Variants in ASPHD2 observed in about 807,000 individuals in gnomAD.
ASPHD2 encodes the protein aspartate beta-hydroxylase domain containing 2, also known as aspartate beta-hydroxylase domain-containing protein 2.
A neutral mutation model predicts 34.6 loss-of-function variants in ASPHD2; 12 were observed. The ratio of observed to expected loss-of-function variants is 0.35; its 90% confidence interval spans 0.22 to 0.56. ASPHD2 has a LOEUF of 0.56. ASPHD2 is among the 20% of genes least tolerant of loss of function. The probability of loss-of-function intolerance (pLI) is 0.87; values close to 1 mark genes in which losing one functional copy is unlikely to be tolerated. For missense variants in ASPHD2, 375 were observed against 505.0 expected (o/e 0.74, Z 2.47); for synonymous variants, 224 against 212.2 (o/e 1.06, Z -0.48).
At chr22:26,441,067 G>A (rs541481081) in intron 2 of ASPHD2, among the ~76,000 whole-genome samples, 4 of 152,362 alleles carry the variant, frequency 2.6e-5, no homozygotes, top group Middle Eastern at 3.4e-3. Context: ...CAACAAAAAT[G>A]TAGAACTCAC....
intron 2 of ASPHD2, among the ~76,000 whole-genome samples, chr22:26,441,478 T>TTAAAAAAAA (rs1555883502): frequency 1.0e-5 from 1 of 95,620 alleles, no homozygotes; most frequent in Non-Finnish European, 1.9e-5. Flanking sequence ...ACCTTGTATC[T>TTAAAAAAAA]AAAAAAAAAA....
At position 26,439,167 on chromosome 22, in the gene ASPHD2, G is replaced by A. The variant is rs143583800; in HGVS notation, c.887-3292G>A. ...TAATCCCAGCACTTTGGGAGGCCGA[G>A]TCAGGTGGATCTCTTGAGGCTAGAA... On this transcript the variant is annotated intron_variant, in intron 2 of 3. Transcript: ENST00000215906. Among the ~76,000 whole-genome samples the A allele has an allele frequency of 5.6e-3, 849 of 152,306 alleles. 8 individuals are homozygous for A. The highest frequency in any genetic ancestry group is 6.8e-3 in the Middle Eastern group (2 of 294).
At position 26,433,651 on chromosome 22, in the gene ASPHD2, T is replaced by C. The variant is rs768668198; in HGVS notation, c.36T>C (p.Asp12=). 1.2e-6 allele frequency: 2 copies of C among 1,614,012 alleles called. No individual in the cohort carries two copies. Among genetic ancestry groups the C allele is most frequent in the Admixed American group, 1.7e-5 (1 of 60,014 alleles). The change falls in exon 2 of 4, where the codon GAT becomes GAC. Residue 12 remains aspartate, a synonymous_variant. Coordinates refer to ENST00000215906, the MANE Select transcript of ASPHD2 (RefSeq NM_020437.5). The surrounding 1 kb of genome is among the most constrained non-coding windows in gnomAD (Gnocchi z 5.1). ...VWAPLGPPRT[D]CLTLLHTPSK... is the part of the protein sequence containing the mutation. ...CGCCCTTGGGACCCCCGAGGACTGATTGTCTGACCTTGCTTCACACGCCCA... is the reference window on the plus strand; with the variant it reads ...CGCCCTTGGGACCCCCGAGGACTGACTGTCTGACCTTGCTTCACACGCCCA...
intron 2 of ASPHD2, among the ~76,000 whole-genome samples, chr22:26,438,596 C>T (rs199563616): frequency 3.8e-5 from 4 of 106,662 alleles, no homozygotes; most frequent in Admixed American, 9.6e-5. Context: ...CATATATATA[C>T]ACACATATAT....
chr22:26,437,248 C>T (rs1417012749), intron 2 of ASPHD2, among the ~76,000 whole-genome samples: 1 of 152,218 alleles, frequency 6.6e-6, no homozygotes, highest in African/African-American at 2.4e-5. Context: ...GGTAGAGGCA[C>T]CTGCAGTTCC....
In ASPHD2 at chr22:26,434,152, C is replaced by G; in HGVS notation, c.537C>G (p.Phe179Leu). 2 of 1,612,336 alleles carry G rather than the reference C, an allele frequency of 1.2e-6. No homozygotes were observed. The highest frequency in any genetic ancestry group is 1.7e-5 in the Admixed American group (1 of 59,476). Residue 179 changes from phenylalanine to leucine, a missense_variant, in exon 2 of 4, where the codon TTC (phenylalanine) becomes TTG (leucine). Transcript: ENST00000215906. ...FLPDLPTTPY[F>L]SRDAQKHDVE... is the part of the protein sequence containing the mutation. ...CCGACCTGCCCACCACGCCCTATTT[C>G]TCCCGGGACGCACAGAAACATGATG...
chr22:26,437,770 G>T (rs531777964), intron 2 of ASPHD2, among the ~76,000 whole-genome samples: 31 of 152,260 alleles, frequency 2.0e-4, no homozygotes, highest in African/African-American at 6.7e-4. Flanking sequence ...GCCGCCTGAA[G>T]TGGGGGCCAC....
intron 1 of ASPHD2, among the ~76,000 whole-genome samples, chr22:26,431,430 A>T (rs1601698972): frequency 6.6e-6 from 1 of 151,910 alleles, no homozygotes. Context: ...AAAAAAAAAA[A>T]AACAAAAGAA....
chr22:26,432,023 C>G (rs1023757004), intron 1 of ASPHD2, among the ~76,000 whole-genome samples: 1 of 152,162 alleles, frequency 6.6e-6, no homozygotes, highest in African/African-American at 2.4e-5. Context: ...TGGAAAAACC[C>G]CATCTCTACT....
Position 26,434,182 on chromosome 22 carries a change from A to C in ASPHD2, c.567A>C (p.Glu189Asp), listed in dbSNP as rs189698725. The C allele has an allele frequency of 6.2e-7, 1 of 1,613,408 alleles. No homozygotes were observed. The highest frequency in any genetic ancestry group is 2.2e-5 in the East Asian group (1 of 44,882). ...FSRDAQKHDV[E>D]VLERNFQTIL... ...GGGACGCACAGAAACATGATGTGGA[A>C]GTGCTGGAACGGAACTTCCAGACCA... Residue 189 changes from glutamate to aspartate, a missense_variant, in exon 2 of 4, where the codon GAA (glutamate) becomes GAC (aspartate). By Grantham distance (45) the Glu-to-Asp change is conservative (BLOSUM62 2). Transcript: ENST00000215906.
chr22:26,436,429 T>G (rs2084792705), intron 2 of ASPHD2, among the ~76,000 whole-genome samples: 1 of 152,054 alleles, frequency 6.6e-6, no homozygotes, highest in African/African-American at 2.4e-5. Context: ...CGGGGTGCCC[T>G]GGGGAGGTGG....
In ASPHD2 at chr22:26,442,592, A is replaced by G. The variant is rs1237852848; in HGVS notation, c.1000+20A>G. The G allele has an allele frequency of 5.2e-6, 8 of 1,527,374 alleles. No homozygotes were observed. The highest frequency in any genetic ancestry group is 2.1e-5 in the Admixed American group (1 of 48,056). 94.6% of individuals were successfully genotyped at this position (1,527,374 alleles called of 1,614,324 possible). A position where few individuals can be genotyped will look rare whatever the true frequency, so the allele number is the denominator to read the frequency against. ...ATGAAGGTGAGTGGCTGCCTTTCCCACTTCCTTTTTTTCAATGAATAGACT... is the reference window on the plus strand; with the variant it reads ...ATGAAGGTGAGTGGCTGCCTTTCCCGCTTCCTTTTTTTCAATGAATAGACT... On this transcript the variant is annotated intron_variant, in intron 3 of 3. Coordinates refer to ENST00000215906, the MANE Select transcript of ASPHD2 (RefSeq NM_020437.5).
chr22:26,440,732 C>T (rs929895371), intron 2 of ASPHD2, among the ~76,000 whole-genome samples: 3 of 152,150 alleles, frequency 2.0e-5, no homozygotes, highest in Non-Finnish European at 4.4e-5. Context: ...TGAGGGCAGA[C>T]GAAGAGCACG....
intron 2 of ASPHD2, among the ~76,000 whole-genome samples, chr22:26,438,678 TACAC>T (rs368493487): frequency 2.3e-5 from 3 of 129,604 alleles, no homozygotes; most frequent in Admixed American, 7.6e-5. Context: ...CATACATACA[TACAC>T]ACACACACAC....
At chr22:26,440,742 G>A (rs896312735) in intron 2 of ASPHD2, among the ~76,000 whole-genome samples, 3 of 152,178 alleles carry the variant, frequency 2.0e-5, no homozygotes, top group Admixed American at 1.3e-4. Flanking sequence ...CGAAGAGCAC[G>A]CCATTCTCCA....
intron 1 of ASPHD2, among the ~76,000 whole-genome samples, chr22:26,430,537 C>G (rs1389297331): frequency 3.3e-5 from 5 of 152,200 alleles, no homozygotes; most frequent in Non-Finnish European, 7.3e-5. Flanking sequence ...CTACTGTGGT[C>G]ACTGGGCAAG....
At position 26,444,241 on chromosome 22, in the gene ASPHD2, CATTT is replaced by C. The variant is rs1263340046; in HGVS notation, c.*1040_*1043del. 7.4e-6 allele frequency: 1 copy of C among 134,518 alleles called. No homozygotes were observed. The highest frequency in any genetic ancestry group is 1.6e-5 in the Non-Finnish European group (1 of 61,192). The allele number at this position is 134,518 out of a possible 1,614,324, so 8.3% of individuals were successfully genotyped here. On this transcript the variant is annotated 3_prime_UTR_variant, in exon 4 of 4. Transcript: ENST00000215906. The stretch of plus-strand genomic sequence containing the variant: ...CTGTTGCCTATGTTTTTTTTTTTTT[CATTT>C]ATTTGTCTGTACATAAATGTTCAAA...
chr22:26,438,550 TAC>T lies in ASPHD2; in HGVS notation c.887-3905_887-3904del, dbSNP rs554125567. Among the ~76,000 whole-genome samples the T allele has an allele frequency of 2.1e-3, 284 of 136,290 alleles. 6 individuals are homozygous for T. Among genetic ancestry groups the T allele is most frequent in the Middle Eastern group, 7.6e-3 (2 of 262 alleles). 89.4% of individuals were successfully genotyped at this position (136,290 alleles called of 152,430 possible). ...ACATACATATATACACATACATATA[TAC>T]ACATACATATATACACATACATATA... On this transcript the variant is annotated intron_variant, in intron 2 of 3. Coordinates refer to ENST00000215906, the MANE Select transcript of ASPHD2 (RefSeq NM_020437.5).
In ASPHD2 at chr22:26,433,611, T is replaced by C; in HGVS notation, c.-5T>C. On this transcript the variant is annotated 5_prime_UTR_variant, in exon 2 of 4. Transcript: ENST00000215906. This position sits in a 1 kb window ranked among gnomAD's most constrained non-coding sequence, Gnocchi z 5.1. ...AGCCGCTCCTTCCCCCCCACGCTAATCTGCATGGTGTGGGCGCCCTTGGGA... is the reference window on the plus strand; with the variant it reads ...AGCCGCTCCTTCCCCCCCACGCTAACCTGCATGGTGTGGGCGCCCTTGGGA... 3 of 1,611,350 alleles carry C rather than the reference T, an allele frequency of 1.9e-6. No homozygotes were observed. The highest frequency in any genetic ancestry group is 2.5e-6 in the Non-Finnish European group (3 of 1,178,968).
Sources: allele counts gnomAD v4.1 joint callset (sites outside exome capture counted in the v4.1 genomes callset), GRCh38; gene constraint gnomAD v4.1.1; non-coding constraint Gnocchi (gnomAD v3.1); transcripts MANE v1.5; gene names NCBI Gene and HGNC (gene_info 2026-07-23, HGNC 2026-07-21).